Variants in NT5DC1 observed in about 807,000 individuals in gnomAD.
NT5DC1 encodes the protein 5'-nucleotidase domain containing 1, also known as 5'-nucleotidase domain-containing protein 1.
Under a neutral mutation model 59.4 loss-of-function variants are expected in NT5DC1, and 42 were observed. The ratio of observed to expected loss-of-function variants is 0.71; its 90% confidence interval spans 0.55 to 0.92. The LOEUF (loss-of-function observed/expected upper bound fraction) is 0.92, where lower values mean the gene tolerates loss of function less well. Ranked by LOEUF, NT5DC1 falls within the 40% of genes least tolerant of loss-of-function variation. NT5DC1 has a pLI of 0.00. For missense variants in NT5DC1, 501 were observed against 537.1 expected (o/e 0.93, Z 0.66); for synonymous variants, 172 against 188.1 (o/e 0.91, Z 0.70).
At chr6:116,157,310 G>A (rs140798300) in intron 6 of NT5DC1, among the ~76,000 whole-genome samples, 3 of 152,242 alleles carry the variant, frequency 2.0e-5, no homozygotes, top group Non-Finnish European at 4.4e-5. Flanking sequence ...CCAGTCAGTT[G>A]TCAACGTAAC....
chr6:116,156,300 T>C (rs1464102572), intron 6 of NT5DC1, among the ~76,000 whole-genome samples: 6 of 152,292 alleles, frequency 3.9e-5, no homozygotes, highest in African/African-American at 1.4e-4. Context: ...ACTTTGTTTT[T>C]GGAGTTAAAA....
intron 4 of NT5DC1, among the ~76,000 whole-genome samples, chr6:116,114,144 G>A (rs1218971954): frequency 2.6e-5 from 4 of 152,074 alleles, no homozygotes; most frequent in Admixed American, 2.6e-4. Context: ...AACAATTCAA[G>A]CTGTGAAAAA....
At chr6:116,120,677 A>T (rs1779088752) in intron 6 of NT5DC1, 1 of 1,546,394 alleles carries the variant, frequency 6.5e-7, no homozygotes, top group Non-Finnish European at 8.7e-7. Flanking sequence ...CTTAGTTGCT[A>T]TGCCAGCTGG....
chr6:116,202,054 A>G (rs1372140761), intron 6 of NT5DC1, among the ~76,000 whole-genome samples: 1 of 151,968 alleles, frequency 6.6e-6, no homozygotes, highest in Non-Finnish European at 1.5e-5. Flanking sequence ...CATTAACCAC[A>G]TGTGGCTACC....
At chr6:116,120,758 G>C in intron 6 of NT5DC1, 1 of 1,608,476 alleles carries the variant, frequency 6.2e-7, no homozygotes, top group Non-Finnish European at 8.5e-7. Flanking sequence ...TGGCCCAATA[G>C]GGCCTCTAGT....
Position 116,220,996 on chromosome 6 carries a change from T to C in NT5DC1, c.530-58T>C, listed in dbSNP as rs1781787311. The C allele has an allele frequency of 7.4e-6, 6 of 806,904 alleles. No individual in the cohort carries two copies. The East Asian group carries it at 1.3e-4, about 17-fold the overall frequency. The allele number at this position is 806,904 out of a possible 1,614,324, so 50.0% of individuals were successfully genotyped here. Reference sequence around the variant, plus strand: ...TGAAAGAGATTAACTTGTTAGAGAATATATTTAGTCAAAAAATGTTTAAAA... The same window carrying C: ...TGAAAGAGATTAACTTGTTAGAGAACATATTTAGTCAAAAAATGTTTAAAA... On this transcript the variant is annotated intron_variant, in intron 6 of 11. Coordinates refer to ENST00000319550, the MANE Select transcript of NT5DC1 (RefSeq NM_152729.3).
chr6:116,115,765 A>G lies in NT5DC1; in HGVS notation c.439A>G (p.Thr147Ala). The change falls in exon 5 of 12, where the codon ACA (threonine) becomes GCA (alanine). Residue 147 changes from threonine (T) to alanine (A), a missense_variant. Physicochemically the swap from Thr to Ala is moderately conservative, Grantham distance 58. Transcript: ENST00000319550. Reference sequence around the variant, plus strand: ...GTGTGCCAGGGTGGTGGACTATTTAACAAAAGTAAGTGGGGACTCATTTTT... The same window carrying G: ...GTGTGCCAGGGTGGTGGACTATTTAGCAAAAGTAAGTGGGGACTCATTTTT... ...LLCARVVDYL[T>A]KLNNGQKTFD... The G allele has an allele frequency of 6.4e-7, 1 of 1,558,872 alleles. No individual in the cohort carries two copies. Among genetic ancestry groups the G allele is most frequent in the Non-Finnish European group, 8.8e-7 (1 of 1,129,998 alleles).
At chr6:116,194,245 CA>C (rs1781180966) in intron 6 of NT5DC1, among the ~76,000 whole-genome samples, 1 of 152,012 alleles carries the variant, frequency 6.6e-6, no homozygotes, top group Admixed American at 6.6e-5. Context: ...CATGTTCTTT[CA>C]AATGACGGAG....
At chr6:116,242,135 C>T (rs906724046) in intron 11 of NT5DC1, among the ~76,000 whole-genome samples, 2 of 151,566 alleles carry the variant, frequency 1.3e-5, no homozygotes, top group Admixed American at 1.3e-4. Flanking sequence ...CTTTGGGAGG[C>T]GGAGGCGGGC....
rs1778867368 is a variant in NT5DC1, at chr6:116,111,091, G to C, written c.364+135G>C. 6 of 619,904 alleles carry C rather than the reference G, an allele frequency of 9.7e-6. No individual in the cohort carries two copies. The South Asian group carries it at 9.8e-5, about 10-fold the overall frequency. The allele number at this position is 619,904 out of a possible 1,614,324, so 38.4% of individuals were successfully genotyped here. The stretch of plus-strand genomic sequence containing the variant: ...CAAAGGGAGCAGCTTCAGCTTTATA[G>C]CAATAGGATGTATTTTTTCCAAGTG... On this transcript the variant is annotated intron_variant, in intron 4 of 11. Transcript: ENST00000319550.
chr6:116,151,675 G>T (rs900803736), intron 6 of NT5DC1, among the ~76,000 whole-genome samples: 5 of 152,102 alleles, frequency 3.3e-5, no homozygotes, highest in African/African-American at 1.2e-4. Context: ...TAATATGTTA[G>T]AAACCATAAT....
rs1025822735 is a variant in NT5DC1 at position 116,166,417 on chromosome 6, C to A, written c.529+48472C>A. Among the ~76,000 whole-genome samples the A allele has an allele frequency of 6.6e-5, 10 of 152,288 alleles. 1 individual carries two copies. The highest frequency in any genetic ancestry group is 4.6e-4 in the Admixed American group (7 of 15,300). On this transcript the variant is annotated intron_variant, in intron 6 of 11. Coordinates refer to ENST00000319550, the MANE Select transcript of NT5DC1 (RefSeq NM_152729.3). The stretch of plus-strand genomic sequence containing the variant: ...TTAAAAACATAAAGGAATGGATCAA[C>A]CAATCTTCAACAAAGGTGCTAAGAA...
At chr6:116,215,511 A>G (rs941518694) in intron 6 of NT5DC1, among the ~76,000 whole-genome samples, 47 of 152,014 alleles carry the variant, frequency 3.1e-4, no homozygotes, top group African/African-American at 1.1e-3. Context: ...GCCTGTCCAG[A>G]TATTATTGTA....
rs544519822 is a variant in NT5DC1 at position 116,122,053 on chromosome 6, C to T, written c.529+4108C>T. The stretch of plus-strand genomic sequence containing the variant: ...GCCTTTCAAACTATGAATTGGGACA[C>T]GATATTTCAGCATCATTTATTCCAT... On this transcript the variant is annotated intron_variant, in intron 6 of 11. Transcript: ENST00000319550. The T allele has an allele frequency of 9.1e-5, 98 of 1,082,542 alleles. No individual in the cohort carries two copies. In the East Asian group the frequency reaches 1.6e-3, roughly 18 times the overall value. The allele number at this position is 1,082,542 out of a possible 1,614,324, so 67.1% of individuals were successfully genotyped here.
intron 1 of NT5DC1, among the ~76,000 whole-genome samples, chr6:116,101,472 T>C (rs1778653193): frequency 6.6e-6 from 1 of 152,208 alleles, no homozygotes; most frequent in Non-Finnish European, 1.5e-5. Context: ...TTTTTCTGTT[T>C]GCACGATCAA....
chr6:116,157,701 A>G (rs1780231247), intron 6 of NT5DC1, among the ~76,000 whole-genome samples: 1 of 152,170 alleles, frequency 6.6e-6, no homozygotes, highest in Admixed American at 6.5e-5. Context: ...GAATAAAAAC[A>G]GTTGAACTAA....
At chr6:116,121,880 G>A (rs1212153483) in intron 6 of NT5DC1, 2 of 1,613,884 alleles carry the variant, frequency 1.2e-6, no homozygotes, top group Non-Finnish European at 1.7e-6. Context: ...TTTTCCTGGT[G>A]GTCCAGAAGG....
Position 116,243,899 on chromosome 6 carries a change from T to G in NT5DC1, c.1253-10T>G, listed in dbSNP as rs1468839781. 1 of 1,141,724 alleles carries G rather than the reference T, an allele frequency of 8.8e-7. No individual in the cohort carries two copies. The highest frequency in any genetic ancestry group is 1.3e-6 in the Non-Finnish European group (1 of 775,010). The allele number at this position is 1,141,724 out of a possible 1,614,324, so 70.7% of individuals were successfully genotyped here. ...CCTGTGCAATAATTAAATTTTTTTT[T>G]CCTCCCCAGAATTACCTCTGGACTA... is the stretch of plus-strand genomic sequence containing the variant. On this transcript the variant is annotated splice_polypyrimidine_tract_variant and intron_variant, in intron 11 of 11. Transcript: ENST00000319550.
intron 6 of NT5DC1, among the ~76,000 whole-genome samples, chr6:116,136,673 A>G (rs539268657): frequency 6.6e-6 from 1 of 152,292 alleles, no homozygotes; most frequent in East Asian, 1.9e-4. Flanking sequence ...GGCAGTATCT[A>G]TCTTTCATAT....
Sources: allele counts gnomAD v4.1 joint callset (sites outside exome capture counted in the v4.1 genomes callset), GRCh38; gene constraint gnomAD v4.1.1; transcripts MANE v1.5; gene names NCBI Gene and HGNC (gene_info 2026-07-23, HGNC 2026-07-21).